The following KSR2 variants were observed in gnomAD, a reference collection of about 807,000 sequenced individuals.
KSR2 encodes kinase suppressor of ras 2.
KSR2 carries 25 observed loss-of-function variants against 107.8 expected under a neutral mutation model. The ratio of observed to expected loss-of-function variants is 0.23; its 90% CI spans 0.17 to 0.32. The LOEUF (loss-of-function observed/expected upper bound fraction) is 0.32. KSR2 is among the 10% of genes least tolerant of loss of function. KSR2 has a pLI of 1.00. For missense variants in KSR2, 887 were observed against 1,268.9 expected (o/e 0.70, Z 4.57); for synonymous variants, 480 against 507.0 (o/e 0.95, Z 0.71).
At chr12:117,562,669 C>T (rs1878203168) in intron 7 of KSR2, among the ~76,000 whole-genome samples, 1 of 152,162 alleles carries the variant, frequency 6.6e-6, no homozygotes, top group Non-Finnish European at 1.5e-5. Flanking sequence ...TGCTCATGAC[C>T]TTGGCCTGTT....
At chr12:117,658,263 G>T (rs1289942953) in intron 5 of KSR2, among the ~76,000 whole-genome samples, 2 of 152,262 alleles carry the variant, frequency 1.3e-5, no homozygotes, top group African/African-American at 4.8e-5. Flanking sequence ...TTGAGAGCCA[G>T]ATTTTCACTT....
chr12:117,807,223 G>A (rs570190663), intron 3 of KSR2, among the ~76,000 whole-genome samples: 6 of 152,192 alleles, frequency 3.9e-5, no homozygotes, highest in Non-Finnish European at 5.9e-5. Flanking sequence ...AGTGATTCCC[G>A]GGCCTCTTGG....
intron 1 of KSR2, among the ~76,000 whole-genome samples, chr12:117,931,511 C>T (rs1895695287): frequency 6.6e-6 from 1 of 152,170 alleles, no homozygotes; most frequent in Admixed American, 6.6e-5. Flanking sequence ...AAGACTGCCA[C>T]AGTCATGTCC....
At chr12:117,712,846 T>C (rs1207533727) in intron 4 of KSR2, among the ~76,000 whole-genome samples, 2 of 152,168 alleles carry the variant, frequency 1.3e-5, no homozygotes, top group African/African-American at 2.4e-5. Context: ...GGTAAATAGA[T>C]ATAGATATAT....
intron 1 of KSR2, among the ~76,000 whole-genome samples, chr12:117,935,350 T>C (rs1461472247): frequency 1.3e-5 from 2 of 152,128 alleles, no homozygotes; most frequent in Admixed American, 6.6e-5. Flanking sequence ...CTAGAGTCTG[T>C]TCTCAACCAG....
At chr12:117,947,452 G>C (rs146589060) in intron 1 of KSR2, among the ~76,000 whole-genome samples, 10 of 152,032 alleles carry the variant, frequency 6.6e-5, no homozygotes, top group Non-Finnish European at 1.3e-4. Context: ...ATTATTAATG[G>C]TGGAAAATTT....
chr12:117,815,545 C>T (rs1018701664), intron 3 of KSR2, among the ~76,000 whole-genome samples: 1 of 152,020 alleles, frequency 6.6e-6, no homozygotes, highest in African/African-American at 2.4e-5. Flanking sequence ...AGTAGCAAAT[C>T]AAATAGACAA....
At chr12:117,689,960 GA>G (rs771539644) in intron 4 of KSR2, among the ~76,000 whole-genome samples, 10 of 151,918 alleles carry the variant, frequency 6.6e-5, no homozygotes, top group Non-Finnish European at 1.3e-4. Context: ...TGGAAGGAAG[GA>G]AACAGGAAGG....
chr12:117,829,952 A>G (rs191409743), intron 3 of KSR2, among the ~76,000 whole-genome samples: 1 of 152,356 alleles, frequency 6.6e-6, no homozygotes, highest in East Asian at 1.9e-4. Flanking sequence ...TAACACAGCA[A>G]CAGAAAATCA....
chr12:117,927,820 C>T (rs1409358086), intron 1 of KSR2, among the ~76,000 whole-genome samples: 6 of 152,176 alleles, frequency 3.9e-5, no homozygotes, highest in African/African-American at 1.4e-4. Flanking sequence ...CCCTCCTTGC[C>T]CCCTTATTAT....
intron 1 of KSR2, among the ~76,000 whole-genome samples, chr12:117,881,987 C>T (rs114313198): frequency 0.011 from 1,640 of 152,268 alleles, 25 homozygotes; most frequent in African/African-American, 0.038. Context: ...GAGTGTCCTG[C>T]GCATATTTAC....
At chr12:117,829,385 GTT>G (rs1235254480) in intron 3 of KSR2, among the ~76,000 whole-genome samples, 1 of 152,126 alleles carries the variant, frequency 6.6e-6, no homozygotes. Flanking sequence ...AACACTGCTT[GTT>G]TTACCCTCTG....
At chr12:117,904,177 T>C (rs1189387686) in intron 1 of KSR2, among the ~76,000 whole-genome samples, 2 of 152,194 alleles carry the variant, frequency 1.3e-5, no homozygotes, top group Admixed American at 6.5e-5. Flanking sequence ...GCAGCCCTGA[T>C]GCTATACAAA....
chr12:117,574,288 A>G (rs889522847), intron 7 of KSR2, among the ~76,000 whole-genome samples: 3 of 152,152 alleles, frequency 2.0e-5, no homozygotes, highest in African/African-American at 7.2e-5. Context: ...AGCTCAGGAA[A>G]GAAATTTGGA....
chr12:117,510,352 C>T (rs146024392), intron 14 of KSR2, among the ~76,000 whole-genome samples: 3 of 152,280 alleles, frequency 2.0e-5, no homozygotes, highest in East Asian at 1.9e-4. Context: ...TTTTGCCTAA[C>T]CACCTAGAGA....
chr12:117,930,651 C>T (rs990905450), intron 1 of KSR2, among the ~76,000 whole-genome samples: 4 of 152,196 alleles, frequency 2.6e-5, no homozygotes, highest in African/African-American at 7.2e-5. Context: ...CGCAGTGGCT[C>T]ATGCCTATAT....
rs59956561 is a variant in KSR2, at chr12:117,478,420, AT to A, written c.2451-1826del. Among the ~76,000 whole-genome samples the A allele has an allele frequency of 4.2e-3, 602 of 143,516 alleles. 1 individual carries two copies. The highest frequency in any genetic ancestry group is 3.9e-3 in the African/African-American group (154 of 39,504). 94.2% of individuals were successfully genotyped at this position (143,516 alleles called of 152,430 possible). Reference sequence around the variant, plus strand: ...TTACAACTGAAGAACTAAACTTTTCATTTTTTTTTTTTTTAATTTTAGAGAC... The same window carrying A: ...TTACAACTGAAGAACTAAACTTTTCATTTTTTTTTTTTTAATTTTAGAGAC... On this transcript the variant is annotated intron_variant, in intron 16 of 19. Coordinates refer to ENST00000339824, the MANE Select transcript of KSR2 (RefSeq NM_173598.6).
intron 14 of KSR2, among the ~76,000 whole-genome samples, chr12:117,494,889 G>A (rs1872939380): frequency 6.6e-6 from 1 of 152,202 alleles, no homozygotes. Context: ...AGAACTCCAA[G>A]CTGGGGAAAC....
At chr12:117,736,089 T>C (rs1887926401) in intron 4 of KSR2, among the ~76,000 whole-genome samples, 1 of 152,188 alleles carries the variant, frequency 6.6e-6, no homozygotes. Flanking sequence ...CTTTTGGTCA[T>C]TTGACCATAG....
Sources: gnomAD v4.1 joint callset for allele counts (sites outside exome capture counted in the v4.1 genomes callset) on GRCh38, gnomAD v4.1.1 for gene constraint, MANE v1.5 for transcripts, NCBI Gene and HGNC (gene_info 2026-07-23, HGNC 2026-07-21) for gene names.